DPY19L1: variants seen among roughly 807,000 people sequenced by gnomAD.
The protein encoded by DPY19L1 is protein C-mannosyl-transferase DPY19L1.
DPY19L1 carries 35 observed loss-of-function variants against 96.9 expected under a neutral mutation model. The observed-to-expected ratio is 0.36, with a 90% confidence interval of 0.28 to 0.48. DPY19L1 has a LOEUF of 0.48. Ranked by LOEUF, DPY19L1 falls within the 20% of genes least tolerant of loss-of-function variation. The probability of loss-of-function intolerance (pLI) is 0.99; values close to 1 mark genes in which losing one functional copy is unlikely to be tolerated. For missense variants in DPY19L1, 521 were observed against 777.9 expected, an observed-to-expected ratio of 0.67 and a Z score of 3.93; for synonymous variants, 205 against 252.6, an observed-to-expected ratio of 0.81 and a Z score of 1.79.
At chr7:34,971,931 T>C (rs966472609) in intron 8 of DPY19L1, among the ~76,000 whole-genome samples, 3 of 152,160 alleles carry the variant, frequency 2.0e-5, no homozygotes, top group Non-Finnish European at 4.4e-5. Context: ...TGAAGATGAC[T>C]AATCACCTGG....
chr7:34,993,121 T>G (rs1410954942), intron 6 of DPY19L1, among the ~76,000 whole-genome samples: 6 of 152,236 alleles, frequency 3.9e-5, no homozygotes, highest in Non-Finnish European at 8.8e-5. Context: ...TGCGGCGTAT[T>G]CTATCAGAAA....
At chr7:35,023,364 C>T (rs1584261632) in intron 1 of DPY19L1, among the ~76,000 whole-genome samples, 1 of 152,264 alleles carries the variant, frequency 6.6e-6, no homozygotes, top group East Asian at 1.9e-4. Context: ...TCTCTTTCTC[C>T]TCCCCAAGGT....
intron 13 of DPY19L1, among the ~76,000 whole-genome samples, chr7:34,953,853 G>A (rs1784318622): frequency 6.6e-6 from 1 of 152,144 alleles, no homozygotes; most frequent in African/African-American, 2.4e-5. Context: ...ATGAAAACCT[G>A]TATGAAAGAG....
chr7:35,037,663 C>A, upstream of DPY19L1: 2 of 253,728 alleles, frequency 7.9e-6, no homozygotes, highest in Non-Finnish European at 1.3e-5. Context: ...GACCGCGGAA[C>A]GCCGGGGGGC....
chr7:35,024,618 C>A (rs530406950), intron 1 of DPY19L1, among the ~76,000 whole-genome samples: 3 of 152,312 alleles, frequency 2.0e-5, no homozygotes, highest in African/African-American at 7.2e-5. Flanking sequence ...TCCCACCACA[C>A]ACCCTTCATT....
intron 2 of DPY19L1, 34 bp from the exon 3 acceptor site, chr7:35,018,003 C>G (rs1039698793): frequency 1.4e-6 from 2 of 1,447,498 alleles, no homozygotes; most frequent in Non-Finnish European, 1.9e-6. Flanking sequence ...AGTGTTAAAA[C>G]TTACACTCTA....
At chr7:34,960,244 T>C (rs1784474579) in intron 10 of DPY19L1, among the ~76,000 whole-genome samples, 2 of 152,068 alleles carry the variant, frequency 1.3e-5, no homozygotes, top group South Asian at 4.1e-4. Context: ...CTTTATTCAA[T>C]AACGTGTTAT....
chr7:35,012,369 C>A (rs1442360925), intron 4 of DPY19L1, among the ~76,000 whole-genome samples: 3 of 152,172 alleles, frequency 2.0e-5, no homozygotes, highest in Non-Finnish European at 2.9e-5. Flanking sequence ...GACACTCCCT[C>A]GACTACTTCC....
At chr7:35,015,217 A>T (rs1785814723) in intron 3 of DPY19L1, among the ~76,000 whole-genome samples, 1 of 152,222 alleles carries the variant, frequency 6.6e-6, no homozygotes, top group Admixed American at 6.5e-5. Context: ...TAAATATCAA[A>T]ATAAAAATGA....
At chr7:34,985,257 T>C (rs1043612127) in intron 7 of DPY19L1, among the ~76,000 whole-genome samples, 3 of 152,080 alleles carry the variant, frequency 2.0e-5, no homozygotes, top group South Asian at 2.1e-4. Flanking sequence ...ATCCACAATA[T>C]TGATCTGGGC....
intron 8 of DPY19L1, 61 bp downstream of exon 8, chr7:34,973,453 C>T: frequency 9.5e-7 from 1 of 1,047,580 alleles, no homozygotes; most frequent in Non-Finnish European, 1.3e-6. Context: ...ATTATGGAAG[C>T]TTAAGAAATT....
In DPY19L1 at chr7:35,006,980, C is replaced by A. The variant is rs761166797; in HGVS notation, c.764+3488G>T. Among the ~76,000 whole-genome samples, 4 of 152,090 alleles carry A rather than the reference C, an allele frequency of 2.6e-5. No individual in the cohort carries two copies. In the East Asian group the frequency reaches 7.7e-4, roughly 29 times the overall value. On this transcript the variant is annotated intron_variant, in intron 6 of 21. Coordinates refer to ENST00000638088, the MANE Select transcript of DPY19L1 (RefSeq NM_001366673.1). Reference sequence around the variant, plus strand: ...CAATTTATTTTTTTAATCCTAAAAACAACTTTAGATACCCTCCTCTTTATT... The same window carrying A: ...CAATTTATTTTTTTAATCCTAAAAAAAACTTTAGATACCCTCCTCTTTATT...
chr7:34,990,074 A>G, intron 6 of DPY19L1, 133 bp from the exon 7 acceptor site: 1 of 497,600 alleles, frequency 2.0e-6, no homozygotes, highest in Non-Finnish European at 3.4e-6. Context: ...TCCTATGCTT[A>G]TTTACAAAAT....
At chr7:35,026,526 C>G (rs1786123984) in intron 1 of DPY19L1, among the ~76,000 whole-genome samples, 1 of 152,180 alleles carries the variant, frequency 6.6e-6, no homozygotes, top group South Asian at 2.1e-4. Flanking sequence ...CAATAGATCT[C>G]ACTTGGGGCT....
intron 6 of DPY19L1, among the ~76,000 whole-genome samples, chr7:34,990,282 T>C (rs1026414396): frequency 5.3e-5 from 8 of 152,330 alleles, no homozygotes; most frequent in South Asian, 2.1e-4. Context: ...TATTTATTTA[T>C]GTCCTTCAAC....
rs1323524168 is a variant in DPY19L1 at position 34,957,966 on chromosome 7, G to A, written c.1179+18C>T. On this transcript the variant is annotated intron_variant, in intron 11 of 21. Transcript: ENST00000638088. The stretch of plus-strand genomic sequence containing the variant: ...ATTAGTTTCAAAAACAGCCATATAA[G>A]TGTTAAGGAATACTTACCCAAATAA... The A allele has an allele frequency of 6.7e-7, 1 of 1,488,632 alleles. No individual in the cohort carries two copies. Among genetic ancestry groups the A allele is most frequent in the Non-Finnish European group, 9.2e-7 (1 of 1,088,128 alleles). The allele number at this position is 1,488,632 out of a possible 1,614,324, so 92.2% of individuals were successfully genotyped here. A position where few individuals can be genotyped will look rare whatever the true frequency, so the allele number is the denominator to read the frequency against.
At chr7:34,983,161 T>C (rs1784976524) in intron 7 of DPY19L1, among the ~76,000 whole-genome samples, 1 of 152,158 alleles carries the variant, frequency 6.6e-6, no homozygotes, top group Non-Finnish European at 1.5e-5. Flanking sequence ...ATAAAAGATG[T>C]TCCCTTTTTA....
intron 15 of DPY19L1, 133 bp from the exon 16 acceptor site, chr7:34,945,849 C>A (rs1477775221): frequency 7.5e-6 from 5 of 663,734 alleles, no homozygotes; most frequent in Non-Finnish European, 1.1e-5. Flanking sequence ...AAATAATAAT[C>A]ACAACAACAT....
chr7:34,992,959 T>C (rs1785205511), intron 6 of DPY19L1, among the ~76,000 whole-genome samples: 1 of 152,200 alleles, frequency 6.6e-6, no homozygotes. Context: ...CTAAACTTCC[T>C]TACTTCCAAA....
Sources: allele counts gnomAD v4.1 joint callset (sites outside exome capture counted in the v4.1 genomes callset), GRCh38; gene constraint gnomAD v4.1.1; transcripts MANE v1.5; gene names NCBI Gene and HGNC (gene_info 2026-07-23, HGNC 2026-07-21).